AFF1: variants seen among roughly 807,000 people sequenced by gnomAD.
AFF1 encodes the protein ALF transcription elongation factor 1, also known as AF4/FMR2 family member 1.
AFF1 carries 48 observed loss-of-function variants against 121.7 expected under a neutral mutation model. The ratio of observed to expected loss-of-function variants is 0.39; its 90% CI spans 0.31 to 0.50. The LOEUF (loss-of-function observed/expected upper bound fraction) is 0.50. Among genes scored for constraint, AFF1 ranks in the 20% least tolerant of loss-of-function variants. AFF1 has a pLI of 0.76. For missense variants in AFF1, 1,523 were observed against 1,511.7 expected, an observed-to-expected ratio of 1.01 and a Z score of -0.12; for synonymous variants, 613 against 563.0, an observed-to-expected ratio of 1.09 and a Z score of -1.26.
intron 2 of AFF1, among the ~76,000 whole-genome samples, chr4:87,006,762 G>A (rs1187663669): frequency 1.3e-5 from 2 of 152,230 alleles, no homozygotes; most frequent in Non-Finnish European, 2.9e-5. Flanking sequence ...TTAGAACCTG[G>A]CAAGAGAGCA....
intron 2 of AFF1, among the ~76,000 whole-genome samples, chr4:87,022,550 A>G (rs1184892390): frequency 2.1e-5 from 1 of 46,624 alleles, no homozygotes. Context: ...ACAGATATAT[A>G]TATATATATA....
At chr4:86,968,169 T>C (rs761101332) in intron 2 of AFF1, among the ~76,000 whole-genome samples, 2 of 152,240 alleles carry the variant, frequency 1.3e-5, no homozygotes, top group Non-Finnish European at 2.9e-5. Flanking sequence ...CCTCCTCTCT[T>C]ACCCTCAGGC....
At chr4:86,959,371 TAAAAA>T (rs1435365254) in intron 2 of AFF1, among the ~76,000 whole-genome samples, 1 of 152,178 alleles carries the variant, frequency 6.6e-6, no homozygotes, top group East Asian at 1.9e-4. Flanking sequence ...AAGTTTACAT[TAAAAA>T]AAGAAACCTC....
At chr4:87,037,110 A>G (rs1729646408) in intron 2 of AFF1, among the ~76,000 whole-genome samples, 1 of 152,236 alleles carries the variant, frequency 6.6e-6, no homozygotes, top group African/African-American at 2.4e-5. Context: ...TACTGCAAAA[A>G]TGATTAACAC....
chr4:86,999,484 G>T (rs1725513048), intron 2 of AFF1, among the ~76,000 whole-genome samples: 1 of 152,152 alleles, frequency 6.6e-6, no homozygotes, highest in Admixed American at 6.5e-5. Flanking sequence ...GGATCTTATT[G>T]TGTAGACACA....
chr4:87,004,060 G>A (rs1197433208), intron 2 of AFF1, among the ~76,000 whole-genome samples: 1 of 152,168 alleles, frequency 6.6e-6, no homozygotes, highest in Non-Finnish European at 1.5e-5. Context: ...ATTGAAATGC[G>A]TATTCCTGGG....
At chr4:87,088,413 C>T (rs993854257) in intron 5 of AFF1, among the ~76,000 whole-genome samples, 12 of 152,206 alleles carry the variant, frequency 7.9e-5, no homozygotes, top group African/African-American at 2.9e-4. Context: ...GGGAGACCTG[C>T]ACATAGGTTG....
At chr4:87,098,610 A>G (rs546840805) in intron 8 of AFF1, among the ~76,000 whole-genome samples, 21 of 152,346 alleles carry the variant, frequency 1.4e-4, no homozygotes, top group Middle Eastern at 3.4e-3. Flanking sequence ...ATTTATTTGT[A>G]TATTCTAGCT....
chr4:87,002,827 A>C (rs1725831484), intron 2 of AFF1, among the ~76,000 whole-genome samples: 1 of 152,132 alleles, frequency 6.6e-6, no homozygotes, highest in Admixed American at 6.5e-5. Flanking sequence ...CGTGCTTCCT[A>C]AGTGGGTTTC....
chr4:87,134,478 G>A lies in AFF1; in HGVS notation c.3319G>A (p.Gly1107Ser), dbSNP rs754346300. ...TTCTCTTCCACCTCCCAGAAGCACAGGCACACCATCCCCTCTTTCCCCAAT... is the reference window on the plus strand; with the variant it reads ...TTCTCTTCCACCTCCCAGAAGCACAAGCACACCATCCCCTCTTTCCCCAAT... ...APSPCIARST[G>S]TPSPLSPMPS... Residue 1107 changes from glycine to serine, a missense_variant, in exon 20 of 21, where the codon GGC becomes AGC. This residue lies in a region of AFF1 where 241 missense variants were observed against 265.2 expected (regional missense o/e 0.91). Transcript: ENST00000395146. 6.3e-7 allele frequency: 1 copy of A among 1,598,428 alleles called. No homozygotes were observed. The highest frequency in any genetic ancestry group is 1.1e-5 in the South Asian group (1 of 88,304).
chr4:87,080,523 G>T (rs919539589), intron 4 of AFF1, among the ~76,000 whole-genome samples: 2 of 152,268 alleles, frequency 1.3e-5, no homozygotes, highest in East Asian at 3.9e-4. Flanking sequence ...ACCCTATTGG[G>T]AGAGTGGATT....
chr4:87,000,292 G>A (rs1452848253), intron 2 of AFF1, among the ~76,000 whole-genome samples: 1 of 152,130 alleles, frequency 6.6e-6, no homozygotes, highest in East Asian at 1.9e-4. Context: ...AACATTCTAC[G>A]GGATAGCCAG....
In AFF1 at chr4:87,001,286, G is replaced by C. The variant is rs540684351; in HGVS notation, c.39-44880G>C. On this transcript the variant is annotated intron_variant, in intron 2 of 20. Transcript: ENST00000395146. ...GGCTGGAGTGCAGTGGTGCAATCTC[G>C]GCTCACTGCAACCTCCCCCTCCCAG... 1.3e-3 allele frequency among the ~76,000 whole-genome samples: 158 copies of C among 122,720 alleles called. 1 individual carries two copies. The highest frequency in any genetic ancestry group is 4.4e-3 in the African/African-American group (148 of 33,746). 80.5% of individuals were successfully genotyped at this position (122,720 alleles called of 152,430 possible).
intron 2 of AFF1, among the ~76,000 whole-genome samples, chr4:86,995,947 G>A (rs1433106324): frequency 4.6e-4 from 64 of 139,232 alleles, no homozygotes; most frequent in Middle Eastern, 3.7e-3. Context: ...TGTGAGGAGC[G>A]TCTCTGCCCG....
At chr4:87,007,011 T>G (rs979283339) in intron 2 of AFF1, 6 of 1,115,312 alleles carry the variant, frequency 5.4e-6, no homozygotes, top group Non-Finnish European at 6.6e-6. Flanking sequence ...CCTTTCTAAC[T>G]GTGGCCCGCG....
At chr4:86,972,588 A>C (rs1032483102) in intron 2 of AFF1, among the ~76,000 whole-genome samples, 11 of 152,172 alleles carry the variant, frequency 7.2e-5, no homozygotes, top group African/African-American at 2.7e-4. Flanking sequence ...CCCAGGCTGG[A>C]GTGCTATGGT....
rs183833106 is a variant in AFF1, at chr4:87,031,055, T to C, written c.39-15111T>C. On this transcript the variant is annotated intron_variant, in intron 2 of 20. Coordinates refer to ENST00000395146, the MANE Select transcript of AFF1 (RefSeq NM_001166693.3). ...AGGCTGAGGAAAGCCCACAGGCCGTTGTCTGGGGTGGGGGTAGGAGGGTAT... is the reference window on the plus strand; with the variant it reads ...AGGCTGAGGAAAGCCCACAGGCCGTCGTCTGGGGTGGGGGTAGGAGGGTAT... Among the ~76,000 whole-genome samples, 131 of 152,282 alleles carry C rather than the reference T, an allele frequency of 8.6e-4. 2 individuals are homozygous for C. The East Asian group carries it at 0.016, about 19-fold the overall frequency.
chr4:87,007,128 T>A, intron 2 of AFF1: 1 of 1,262,796 alleles, frequency 7.9e-7, no homozygotes, highest in African/African-American at 1.6e-5. Flanking sequence ...TTGCCCCGGA[T>A]TCGGACGCGG....
At chr4:87,103,866 T>C (rs1560627745) in intron 8 of AFF1, among the ~76,000 whole-genome samples, 1 of 152,224 alleles carries the variant, frequency 6.6e-6, no homozygotes, top group Non-Finnish European at 1.5e-5. Flanking sequence ...ACCTAGTAAC[T>C]AAGAAAGAGG....
Sources: gnomAD v4.1 joint callset for allele counts (sites outside exome capture counted in the v4.1 genomes callset) on GRCh38, gnomAD v4.1.1 for gene constraint, gnomAD v4.1.1 regional missense constraint, MANE v1.5 for transcripts, NCBI Gene and HGNC (gene_info 2026-07-23, HGNC 2026-07-21) for gene names.